The following KAZN variants were observed in gnomAD, a reference collection of about 807,000 sequenced individuals.
The protein encoded by KAZN is kazrin, periplakin interacting protein.
Under a neutral mutation model 87.4 loss-of-function variants are expected in KAZN, and 40 were observed. The observed-to-expected ratio is 0.46, with a 90% CI of 0.36 to 0.60. The LOEUF is 0.60. Among genes scored for constraint, KAZN ranks in the 20% least tolerant of loss-of-function variants. The probability of loss-of-function intolerance (pLI) is 0.00; values close to 1 mark genes in which losing one functional copy is unlikely to be tolerated. For missense variants in KAZN, 898 were observed against 1,073.9 expected (o/e 0.84, Z 2.29); for synonymous variants, 466 against 458.3 (o/e 1.02, Z -0.22).
chr1:14,343,247 T>A (rs1247293502), intron 2 of KAZN, among the ~76,000 whole-genome samples: 2 of 152,102 alleles, frequency 1.3e-5, no homozygotes, highest in Non-Finnish European at 2.9e-5. Context: ...AAACCGTCAA[T>A]TTGGGAGAGC....
intron 1 of KAZN, among the ~76,000 whole-genome samples, chr1:14,933,136 A>C (rs946673064): frequency 6.6e-6 from 1 of 152,142 alleles, no homozygotes; most frequent in Non-Finnish European, 1.5e-5. Context: ...TTGTTGCCCA[A>C]GCTGGAGTCC....
At chr1:14,295,262 C>G (rs555035395) in intron 2 of KAZN, among the ~76,000 whole-genome samples, 3 of 152,348 alleles carry the variant, frequency 2.0e-5, no homozygotes, top group Non-Finnish European at 4.4e-5. Flanking sequence ...CCTCTAGGCT[C>G]AAGCCACATG....
At chr1:15,112,329 ATGTGTGTGTG>A (rs58658629) in intron 13 of KAZN, 88 bp from the exon 14 acceptor site, 6,435 of 634,514 alleles carry the variant, frequency 0.01, 13 homozygotes, top group East Asian at 0.046. Flanking sequence ...ATTGTCACCA[ATGTGTGTGTG>A]TGTGTGTGTG....
At chr1:14,794,764 T>G (rs1353194936) in intron 1 of KAZN, among the ~76,000 whole-genome samples, 1 of 152,182 alleles carries the variant, frequency 6.6e-6, no homozygotes, top group Non-Finnish European at 1.5e-5. Context: ...AAAGTATTGT[T>G]TCTGGGTGTG....
At chr1:15,109,937 G>T (rs62653717) in intron 13 of KAZN, among the ~76,000 whole-genome samples, 3 of 140,452 alleles carry the variant, frequency 2.1e-5, no homozygotes, top group African/African-American at 7.7e-5. Flanking sequence ...GTGTGTGTGT[G>T]TGTGTTTGTG....
chr1:14,700,335 G>T (rs1478558689), intron 1 of KAZN, among the ~76,000 whole-genome samples: 1 of 152,120 alleles, frequency 6.6e-6, no homozygotes, highest in Non-Finnish European at 1.5e-5. Flanking sequence ...AGTTGGCCAT[G>T]GTGGTGTGCG....
At chr1:14,985,135 CA>C (rs1164946882) in intron 2 of KAZN, among the ~76,000 whole-genome samples, 5,471 of 86,732 alleles carry the variant, frequency 0.063, 269 homozygotes, top group African/African-American at 0.18. Flanking sequence ...GACTCTGTCT[CA>C]AAAAAAAAAA....
At chr1:14,931,819 G>T (rs968221624) in intron 1 of KAZN, among the ~76,000 whole-genome samples, 2 of 152,174 alleles carry the variant, frequency 1.3e-5, no homozygotes, top group African/African-American at 4.8e-5. Context: ...ATCAGGGCAC[G>T]CTAGCACCTT....
intron 2 of KAZN, among the ~76,000 whole-genome samples, chr1:15,006,256 C>T (rs916829568): frequency 5.9e-5 from 9 of 152,204 alleles, no homozygotes; most frequent in African/African-American, 2.2e-4. Flanking sequence ...AGGTAGATGA[C>T]CCAGGCCTCT....
rs186054653 is a variant in KAZN, at chr1:13,974,696, G to A, written c.91+80940G>A. 2.0e-5 allele frequency among the ~76,000 whole-genome samples: 3 copies of A among 152,288 alleles called. No homozygotes were observed. The East Asian group carries it at 5.8e-4, about 29-fold the overall frequency. On this transcript the variant is annotated intron_variant, in intron 1 of 16. Coordinates refer to the KAZN transcript ENST00000636203. ...GGCAAGGGACAGTTTCTCCCCTAGA[G>A]CTCCCTGAGGAAGCAAAGGAAGCAA...
intron 2 of KAZN, among the ~76,000 whole-genome samples, chr1:14,208,115 T>C (rs936950439): frequency 1.3e-5 from 2 of 152,180 alleles, no homozygotes; most frequent in African/African-American, 4.8e-5. Context: ...GTCCATGCTG[T>C]TTGGGCTGAT....
intron 1 of KAZN, among the ~76,000 whole-genome samples, chr1:14,013,456 A>G (rs1640416118): frequency 6.6e-6 from 1 of 152,006 alleles, no homozygotes. Context: ...AACCCCCCAG[A>G]GGTTTTCTGT....
intron 1 of KAZN, among the ~76,000 whole-genome samples, chr1:14,854,732 G>A (rs550641848): frequency 2.0e-5 from 3 of 151,304 alleles, no homozygotes; most frequent in Admixed American, 6.6e-5. Context: ...GTACCTGTCT[G>A]CCACCGCACT....
At chr1:14,774,643 T>G (rs1181838889) in intron 1 of KAZN, among the ~76,000 whole-genome samples, 1 of 152,078 alleles carries the variant, frequency 6.6e-6, no homozygotes, top group Non-Finnish European at 1.5e-5. Flanking sequence ...GCTAATTTTT[T>G]GTTAACATTT....
Position 14,497,140 on chromosome 1 carries a change from C to T in KAZN, c.250-101843C>T, listed in dbSNP as rs138711929. ...ACAAAAGAGGTACAGAAAACCCATA[C>T]GCCTTATTCTCTCTCCAACTCTGAT... On this transcript the variant is annotated intron_variant, in intron 2 of 16. Transcript: ENST00000636203. 3.1e-3 allele frequency among the ~76,000 whole-genome samples: 468 copies of T among 152,136 alleles called. 3 individuals are homozygous for T. Among genetic ancestry groups the T allele is most frequent in the African/African-American group, 0.011 (450 of 41,524 alleles).
intron 2 of KAZN, among the ~76,000 whole-genome samples, chr1:15,028,122 C>T (rs1671350604): frequency 6.6e-6 from 1 of 152,186 alleles, no homozygotes; most frequent in Non-Finnish European, 1.5e-5. Context: ...CACAGCTGGG[C>T]CCCTGGTTAC....
chr1:14,959,800 G>C (rs1663622575), intron 1 of KAZN, among the ~76,000 whole-genome samples: 1 of 152,122 alleles, frequency 6.6e-6, no homozygotes, highest in Non-Finnish European at 1.5e-5. Context: ...CCTGGGCATG[G>C]GTGTGTCTAT....
intron 2 of KAZN, among the ~76,000 whole-genome samples, chr1:15,016,075 T>C (rs10803339): frequency 0.92 from 139,799 of 151,888 alleles, 64,393 homozygotes; most frequent in East Asian, 1. Flanking sequence ...ATGAGATCAT[T>C]CTGGGACAAG....
At chr1:14,754,753 G>A (rs1482921937) in intron 1 of KAZN, among the ~76,000 whole-genome samples, 1 of 152,062 alleles carries the variant, frequency 6.6e-6, no homozygotes, top group African/African-American at 2.4e-5. Flanking sequence ...GCAAGGAGAG[G>A]GAGAGAAAAG....
Sources: gnomAD v4.1 joint callset for allele counts (sites outside exome capture counted in the v4.1 genomes callset) on GRCh38, gnomAD v4.1.1 for gene constraint, MANE v1.5 for transcripts, NCBI Gene and HGNC (gene_info 2026-07-23, HGNC 2026-07-21) for gene names.